The following NLRP3 variants were observed in gnomAD, a reference collection of about 807,000 sequenced individuals.
NLRP3 encodes the protein NACHT, LRR and PYD domains-containing protein 3.
Under a neutral mutation model 91.3 loss-of-function variants are expected in NLRP3, and 48 were observed. That is an observed-to-expected ratio of 0.53 (90% CI 0.42 to 0.67). The LOEUF (loss-of-function observed/expected upper bound fraction) is 0.67, where lower values mean the gene tolerates loss of function less well. Ranked by LOEUF, NLRP3 falls within the 30% of genes least tolerant of loss-of-function variation. NLRP3 has a pLI of 0.00. For synonymous variants in NLRP3, 561 were observed against 507.9 expected (o/e 1.10, Z -1.41); for missense variants, 982 against 1,276.9 (o/e 0.77, Z 3.52).
intron 4 of NLRP3, among the ~76,000 whole-genome samples, chr1:247,426,761 C>T (rs1338728575): frequency 6.6e-6 from 1 of 152,120 alleles, no homozygotes; most frequent in East Asian, 1.9e-4. Flanking sequence ...AGGAAACTTG[C>T]AGAGTATCCA....
At chr1:247,447,421 C>T (rs976796866) in intron 9 of NLRP3, among the ~76,000 whole-genome samples, 2 of 152,154 alleles carry the variant, frequency 1.3e-5, no homozygotes, top group African/African-American at 4.8e-5. Flanking sequence ...CTTTAAGTAC[C>T]GTACATTAGG....
rs1237116359 is a variant in NLRP3 at position 247,423,188 on chromosome 1, G to A, written c.278-42G>A. ...GCCAGGTTTCAATTGCATCCTCTGT[G>A]ATAATAGTTCTGGGTTTTGACACCT... On this transcript the variant is annotated intron_variant, in intron 2 of 9. Transcript: ENST00000336119. 2.5e-6 allele frequency: 4 copies of A among 1,613,230 alleles called. No individual in the cohort carries two copies. In the Admixed American group the frequency reaches 6.7e-5, roughly 27 times the overall value.
At chr1:247,432,980 A>T (rs1558199427) in intron 5 of NLRP3, among the ~76,000 whole-genome samples, 1 of 151,882 alleles carries the variant, frequency 6.6e-6, no homozygotes, top group Non-Finnish European at 1.5e-5. Flanking sequence ...GGAGTTCAAA[A>T]CCAGCCTGAG....
In NLRP3 at chr1:247,429,491, C is replaced by T; in HGVS notation, c.2151-94C>T. 4.3e-6 allele frequency: 6 copies of T among 1,408,720 alleles called. 1 individual carries two copies. The South Asian group carries it at 5.8e-5, about 14-fold the overall frequency. 87.3% of individuals were successfully genotyped at this position (1,408,720 alleles called of 1,614,324 possible). On this transcript the variant is annotated intron_variant, in intron 4 of 9. Transcript: ENST00000336119. The stretch of plus-strand genomic sequence containing the variant: ...ATTTCTTAATCCCCGGAAGGCATTT[C>T]TCTGAACTGGTGCCAGGCACCCCGG...
chr1:247,427,418 G>A (rs953105878), intron 4 of NLRP3, among the ~76,000 whole-genome samples: 5 of 152,234 alleles, frequency 3.3e-5, no homozygotes, highest in South Asian at 2.1e-4. Flanking sequence ...GGAGAGGGCA[G>A]GGAGACCTTA....
chr1:247,422,642 G>T (rs535655930), intron 2 of NLRP3, among the ~76,000 whole-genome samples: 1 of 152,118 alleles, frequency 6.6e-6, no homozygotes, highest in African/African-American at 2.4e-5. Context: ...ACCTCTGGGC[G>T]TGCAGTCCTG....
chr1:247,444,555 T>C (rs1664466288), intron 8 of NLRP3, 96 bp from the exon 9 acceptor site: 7 of 1,349,510 alleles, frequency 5.2e-6, no homozygotes, highest in Middle Eastern at 2.3e-4. Context: ...CTTTTTTTTT[T>C]TCCACCTGAA....
Position 247,425,288 on chromosome 1 carries a change from A to T in NLRP3, c.1839A>T (p.Lys613Asn), listed in dbSNP as rs876660973. 1.2e-6 allele frequency: 2 copies of T among 1,614,100 alleles called. No homozygotes were observed. ...AGCTGCTGAAATGGATTGAAGTGAA[A>T]GCCAAAGCTAAAAAGCTGCAGATCC... ...RLELLKWIEV[K>N]AKAKKLQIQP... Residue 613 changes from lysine (K) to asparagine (N), a missense_variant, in exon 4 of 10, where the codon AAA (lysine) becomes AAT (asparagine). Lys to Asn is a moderately conservative substitution (Grantham distance 94). Around this residue, in one of 5 missense-constraint regions of NLRP3, gnomAD observed 32 missense variants for 60.3 expected, o/e 0.53. Transcript: ENST00000336119. The surrounding 1 kb of genome is among the most constrained non-coding windows in gnomAD (Gnocchi z 4.1).
chr1:247,441,203 C>G (rs897675020), intron 7 of NLRP3, among the ~76,000 whole-genome samples: 1 of 118,228 alleles, frequency 8.5e-6, no homozygotes, highest in Non-Finnish European at 1.7e-5. Flanking sequence ...TCCCCCCCCC[C>G]TTTCCCTTTC....
At chr1:247,436,178 C>A (rs1663780086) in intron 7 of NLRP3, 38 bp downstream of exon 7, 1 of 1,604,316 alleles carries the variant, frequency 6.2e-7, no homozygotes, top group Non-Finnish European at 8.5e-7. Context: ...AAAGTAACTT[C>A]TTTTCAGAGG....
intron 8 of NLRP3, 133 bp downstream of exon 8, chr1:247,444,275 G>C: frequency 1.0e-6 from 1 of 967,780 alleles, no homozygotes; most frequent in Non-Finnish European, 1.6e-6. Flanking sequence ...CTTGTTACAG[G>C]ATCATGGGAC....
chr1:247,437,889 G>A (rs1663910066), intron 7 of NLRP3, among the ~76,000 whole-genome samples: 1 of 152,340 alleles, frequency 6.6e-6, no homozygotes, highest in Non-Finnish European at 1.5e-5. Flanking sequence ...AGCCGGAAGA[G>A]CCCTCCAGGC....
chr1:247,427,057 A>G (rs1252060521), intron 4 of NLRP3, among the ~76,000 whole-genome samples: 1 of 152,228 alleles, frequency 6.6e-6, no homozygotes, highest in African/African-American at 2.4e-5. Flanking sequence ...GGTTCACCTT[A>G]CGGTTCTGGA....
intron 4 of NLRP3, among the ~76,000 whole-genome samples, chr1:247,426,269 C>T (rs72771993): frequency 0.035 from 5,269 of 152,298 alleles, 135 homozygotes; most frequent in Non-Finnish European, 0.052. Flanking sequence ...CCCCATGTTG[C>T]TCTGCACTGG....
chr1:247,439,488 G>A (rs1338220585), intron 7 of NLRP3, among the ~76,000 whole-genome samples: 4 of 152,160 alleles, frequency 2.6e-5, no homozygotes, highest in South Asian at 2.1e-4. Context: ...TCTACGTGGT[G>A]TCTTCCCTGT....
Position 247,425,396 on chromosome 1 carries a change from C to G in NLRP3, c.1947C>G (p.Pro649=), listed in dbSNP as rs779510812. Residue 649 remains proline (P), a synonymous_variant, in exon 4 of 10, where the codon CCC becomes CCG. Coordinates refer to ENST00000336119, the MANE Select transcript of NLRP3 (RefSeq NM_001243133.2). The surrounding 1 kb of genome is among the most constrained non-coding windows in gnomAD (Gnocchi z 4.1). ...DFVQRAMDYF[P]KIEINLSTRM... is the part of the protein sequence containing the mutation. ...TGCAAAGGGCCATGGACTATTTCCC[C>G]AAGATTGAGATCAATCTCTCCACCA... 3 of 1,614,068 alleles carry G rather than the reference C, an allele frequency of 1.9e-6. No individual in the cohort carries two copies. Among genetic ancestry groups the G allele is most frequent in the Middle Eastern group, 3.3e-4 (2 of 6,084 alleles).
Position 247,433,802 on chromosome 1 carries a change from T to C in NLRP3, c.2322-301T>C, listed in dbSNP as rs1431895231. 4.4e-3 allele frequency among the ~76,000 whole-genome samples: 605 copies of C among 136,418 alleles called. 6 individuals are homozygous for C. Among genetic ancestry groups the C allele is most frequent in the Non-Finnish European group, 5.1e-3 (312 of 61,512 alleles). 89.5% of individuals were successfully genotyped at this position (136,418 alleles called of 152,430 possible). ...TGATGCATTCTCTATTCCAGAGCTC[T>C]CTGGTCAGGTGTGTCCTGATGCTTT... On this transcript the variant is annotated intron_variant, in intron 5 of 9. Transcript: ENST00000336119.
In NLRP3 at chr1:247,425,583, G is replaced by T. The variant is rs200474460; in HGVS notation, c.2134G>T (p.Ala712Ser). 2.5e-5 allele frequency: 40 copies of T among 1,607,054 alleles called. No individual in the cohort carries two copies. The South Asian group carries it at 3.2e-4, about 13-fold the overall frequency. ...VQCVLPSSSHAACSHGLVNSH... is the reference protein window; with the variant it reads ...VQCVLPSSSHSACSHGLVNSH... ...GTGTGTCCTCCCAAGCTCCTCTCAT[G>T]CTGCCTGTTCTCATGGGTAAGGAAA... Residue 712 changes from alanine (A) to serine (S), a missense_variant, in exon 4 of 10, where the codon GCT becomes TCT. Ala to Ser is a moderately conservative substitution (Grantham distance 99). Around this residue, in one of 5 missense-constraint regions of NLRP3, gnomAD observed 373 missense variants for 431.5 expected, o/e 0.86. Transcript: ENST00000336119. The surrounding 1 kb of genome is among the most constrained non-coding windows in gnomAD (Gnocchi z 4.1).
chr1:247,448,011 C>CT (rs112008153), intron 9 of NLRP3, among the ~76,000 whole-genome samples: 68 of 144,400 alleles, frequency 4.7e-4, no homozygotes, highest in East Asian at 8.1e-4. Flanking sequence ...GCACTTAGAG[C>CT]TTTTTTTTTT....
Sources: gnomAD v4.1 joint callset for allele counts (sites outside exome capture counted in the v4.1 genomes callset) on GRCh38, gnomAD v4.1.1 for gene constraint, gnomAD v4.1.1 regional missense constraint, Gnocchi (gnomAD v3.1) non-coding constraint, MANE v1.5 for transcripts, NCBI Gene and HGNC (gene_info 2026-07-23, HGNC 2026-07-21) for gene names.